CLCN6: variants seen among roughly 807,000 people sequenced by gnomAD.
CLCN6 encodes Cl-/H+ antiporter 6.
In CLCN6, 70 loss-of-function variants were observed where a neutral mutation model predicts 109.8. The observed-to-expected ratio is 0.64, with a 90% CI of 0.53 to 0.78. CLCN6 has a LOEUF of 0.78. CLCN6 is among the 30% of genes least tolerant of loss of function. The pLI, the probability that CLCN6 is intolerant of heterozygous loss-of-function variation, is 0.00. For synonymous variants in CLCN6, 444 were observed against 447.8 expected (o/e 0.99, Z 0.11); for missense variants, 984 against 1,142.3 (o/e 0.86, Z 2.00).
At position 11,833,509 on chromosome 1, in the gene CLCN6, T is replaced by A. The variant is rs1294309571; in HGVS notation, c.1249-6T>A. 1 of 1,613,744 alleles carries A rather than the reference T, an allele frequency of 6.2e-7. No individual in the cohort carries two copies. The highest frequency in any genetic ancestry group is 1.7e-5 in the Admixed American group (1 of 60,022). ...TTGTACTGATTTTCTGATTCCTTCT[T>A]CTCAGGTCACAGAAGATGTGAATTC... On this transcript the variant is annotated splice_polypyrimidine_tract_variant and splice_region_variant and intron_variant, in intron 13 of 22. Coordinates refer to ENST00000346436, the MANE Select transcript of CLCN6 (RefSeq NM_001286.5).
chr1:11,838,303 G>A (rs1187067164), intron 20 of CLCN6, 32 bp from the exon 21 acceptor site: 17 of 1,601,128 alleles, frequency 1.1e-5, no homozygotes, highest in Non-Finnish European at 1.4e-5. Flanking sequence ...ACTGCTGCCT[G>A]AGCACGGACA....
intron 2 of CLCN6, among the ~76,000 whole-genome samples, chr1:11,812,270 A>T (rs1221073712): frequency 6.6e-6 from 1 of 152,220 alleles, no homozygotes; most frequent in Non-Finnish European, 1.5e-5. Flanking sequence ...AATAAAGGAT[A>T]TCATAAAGGA....
chr1:11,819,483 C>T lies in CLCN6; in HGVS notation c.280-5C>T, dbSNP rs1394979643. ...GCTGTGTGACAGATCTCTTGCTCTT[C>T]ACAGGTGGGTCTCTTTGTGGACTTT... On this transcript the variant is annotated splice_polypyrimidine_tract_variant and splice_region_variant and intron_variant, in intron 4 of 22. Coordinates refer to ENST00000346436, the MANE Select transcript of CLCN6 (RefSeq NM_001286.5). The T allele has an allele frequency of 2.5e-6, 4 of 1,613,822 alleles. No homozygotes were observed. The highest frequency in any genetic ancestry group is 2.2e-5 in the South Asian group (2 of 91,086).
Position 11,806,285 on chromosome 1 carries a change from T to TGTGCTGCTGCTGCAGGTG in CLCN6, c.37_54dup (p.Arg13_Cys18dup), listed in dbSNP as rs754787159. ...AAGATGGCGGGGTGCAGGGGGTCTCTGTGCTGCTGCTGCAGGTGGTGCTGC... is the reference window on the plus strand; with the variant it reads ...AAGATGGCGGGGTGCAGGGGGTCTCTGTGCTGCTGCTGCAGGTGGTGCTGCTGCTGCAGGTGGTGCTGC... On this transcript the variant is annotated inframe_insertion, in exon 1 of 23. Transcript: ENST00000346436. 136 of 1,503,256 alleles carry TGTGCTGCTGCTGCAGGTG rather than the reference T, an allele frequency of 9.0e-5. No homozygotes were observed. Among genetic ancestry groups the TGTGCTGCTGCTGCAGGTG allele is most frequent in the South Asian group, 5.4e-4 (40 of 73,852 alleles). 93.1% of individuals were successfully genotyped at this position (1,503,256 alleles called of 1,614,324 possible). A position where few individuals can be genotyped will look rare whatever the true frequency, so the allele number is the denominator to read the frequency against.
At chr1:11,806,608 A>C in intron 1 of CLCN6, 1 of 454,010 alleles carries the variant, frequency 2.2e-6, no homozygotes, top group Non-Finnish European at 3.9e-6. Flanking sequence ...TTTTATTTCC[A>C]TCTGAAAAGA....
At chr1:11,821,333 G>A (rs985469433) in intron 5 of CLCN6, among the ~76,000 whole-genome samples, 3 of 151,890 alleles carry the variant, frequency 2.0e-5, no homozygotes, top group Non-Finnish European at 2.9e-5. Context: ...CGAGGCAGGC[G>A]GATCACTTGA....
intron 5 of CLCN6, chr1:11,820,611 A>C (rs2100624243): frequency 2.5e-6 from 1 of 404,294 alleles, no homozygotes; most frequent in East Asian, 4.3e-5. Context: ...CTAAAAATAC[A>C]AAAAAATTAG....
At chr1:11,819,664 A>G (rs1644717592) in intron 5 of CLCN6, 110 bp downstream of exon 5, 2 of 868,260 alleles carry the variant, frequency 2.3e-6, no homozygotes, top group Non-Finnish European at 3.8e-6. Context: ...GCCGCTTATT[A>G]GCTATTCAGC....
chr1:11,820,291 A>G (rs1644724563), intron 5 of CLCN6: 2 of 692,314 alleles, frequency 2.9e-6, no homozygotes, highest in Non-Finnish European at 5.4e-6. Flanking sequence ...CTGTCTTAAA[A>G]AAAATGATGC....
At position 11,806,318 on chromosome 1, in the gene CLCN6, G is replaced by T. The variant is rs1644507807; in HGVS notation, c.56G>T (p.Gly19Val). The T allele has an allele frequency of 6.6e-7, 1 of 1,513,440 alleles. No individual in the cohort carries two copies. Among genetic ancestry groups the T allele is most frequent in the Non-Finnish European group, 8.7e-7 (1 of 1,143,220 alleles). 93.8% of individuals were successfully genotyped at this position (1,513,440 alleles called of 1,614,324 possible). ...TGCTGCAGGTGGTGCTGCTGCTGCGGTGAGCGTGAGACCCGCACCCCCGAG... is the reference window on the plus strand; with the variant it reads ...TGCTGCAGGTGGTGCTGCTGCTGCGTTGAGCGTGAGACCCGCACCCCCGAG... The part of the protein sequence containing the change: ...CCCCRWCCCC[G>V]ERETRTPEEL... Residue 19 changes from glycine to valine, a missense_variant, in exon 1 of 23, where the codon GGT becomes GTT. By Grantham distance (109) the Gly-to-Val change is moderately radical. Coordinates refer to ENST00000346436, the MANE Select transcript of CLCN6 (RefSeq NM_001286.5).
chr1:11,823,056 G>A (rs997912671), intron 6 of CLCN6, among the ~76,000 whole-genome samples: 1 of 152,200 alleles, frequency 6.6e-6, no homozygotes, highest in African/African-American at 2.4e-5. Flanking sequence ...AAACAAAACT[G>A]TTGGGTGCCA....
rs557406800 is a variant in CLCN6 at position 11,837,649 on chromosome 1, C to T, written c.2295+150C>T. The T allele has an allele frequency of 1.4e-4, 104 of 758,698 alleles. No homozygotes were observed. In the East Asian group the frequency reaches 2.7e-3, roughly 20 times the overall value. 47.0% of individuals were successfully genotyped at this position (758,698 alleles called of 1,614,324 possible). A position where few individuals can be genotyped will look rare whatever the true frequency, so the allele number is the denominator to read the frequency against. On this transcript the variant is annotated intron_variant, in intron 20 of 22. Transcript: ENST00000346436. ...GGACTTAGGGGAGGAGTCGCCACAG[C>T]CGGGTGGTGAGAAGCAACAGCGGTT...
chr1:11,823,571 C>T (rs1451606072), intron 6 of CLCN6, 136 bp from the exon 7 acceptor site: 1 of 1,128,274 alleles, frequency 8.9e-7, no homozygotes, highest in East Asian at 2.4e-5. Flanking sequence ...AGCTGTGGTT[C>T]TGCAAGCCCT....
intron 2 of CLCN6, among the ~76,000 whole-genome samples, chr1:11,814,265 T>TTTTTTTTA (rs1644640217): frequency 6.6e-6 from 1 of 150,934 alleles, no homozygotes; most frequent in African/African-American, 2.4e-5. Context: ...TTTTTTTTTT[T>TTTTTTTTA]GAGAGTGTCT....
intron 5 of CLCN6, among the ~76,000 whole-genome samples, chr1:11,820,019 A>G (rs1429559576): frequency 6.6e-6 from 1 of 152,234 alleles, no homozygotes; most frequent in Admixed American, 6.5e-5. Flanking sequence ...CAGTCATTGA[A>G]ATTGGTCATA....
intron 2 of CLCN6, among the ~76,000 whole-genome samples, chr1:11,811,415 T>C (rs1378169780): frequency 6.6e-6 from 1 of 150,884 alleles, no homozygotes; most frequent in Admixed American, 6.6e-5. Flanking sequence ...GGAGTTTCGC[T>C]CTTGTTGCCC....
Position 11,840,268 on chromosome 1 carries a change from A to G in CLCN6, c.*45A>G. 2.0e-6 allele frequency: 3 copies of G among 1,523,378 alleles called. No homozygotes were observed. The highest frequency in any genetic ancestry group is 2.7e-6 in the Non-Finnish European group (3 of 1,103,604). 94.4% of individuals were successfully genotyped at this position (1,523,378 alleles called of 1,614,324 possible). A position where few individuals can be genotyped will look rare whatever the true frequency, so the allele number is the denominator to read the frequency against. On this transcript the variant is annotated 3_prime_UTR_variant, in exon 23 of 23. Coordinates refer to ENST00000346436, the MANE Select transcript of CLCN6 (RefSeq NM_001286.5). Reference sequence around the variant, plus strand: ...CTGGTGCTGCCTGGGGAGGCAAATCATGCTCACTCCGGCGGGCACAGCTGG... The same window carrying G: ...CTGGTGCTGCCTGGGGAGGCAAATCGTGCTCACTCCGGCGGGCACAGCTGG...
chr1:11,836,711 G>A (rs965702928), intron 18 of CLCN6, among the ~76,000 whole-genome samples: 2 of 152,150 alleles, frequency 1.3e-5, no homozygotes, highest in African/African-American at 2.4e-5. Context: ...GGGCAGGCAC[G>A]TTGATTGAAA....
chr1:11,829,908 G>C (rs1008450364), intron 13 of CLCN6: 7 of 155,166 alleles, frequency 4.5e-5, no homozygotes, highest in African/African-American at 1.4e-4. Context: ...ACCTCCCCTT[G>C]CCTGAAGGGG....
Sources: gnomAD v4.1 joint callset for allele counts (sites outside exome capture counted in the v4.1 genomes callset) on GRCh38, gnomAD v4.1.1 for gene constraint, MANE v1.5 for transcripts, NCBI Gene and HGNC (gene_info 2026-07-23, HGNC 2026-07-21) for gene names.